Variants in TBC1D22A observed in about 807,000 individuals in gnomAD.
TBC1D22A encodes the protein TBC1 domain family member 22A, also known as putative GTPase activator.
A neutral mutation model predicts 60.2 loss-of-function variants in TBC1D22A; 38 were observed. The ratio of observed to expected loss-of-function variants is 0.63; its 90% CI spans 0.49 to 0.83. TBC1D22A has a LOEUF of 0.83. Ranked by LOEUF, TBC1D22A falls within the 40% of genes least tolerant of loss-of-function variation. The pLI, the probability that TBC1D22A is intolerant of heterozygous loss-of-function variation, is 0.00. For missense variants in TBC1D22A, 628 were observed against 701.0 expected, an observed-to-expected ratio of 0.90 and a Z score of 1.18; for synonymous variants, 302 against 281.7, an observed-to-expected ratio of 1.07 and a Z score of -0.72.
At chr22:46,837,389 A>G (rs2086570275) in intron 4 of TBC1D22A, among the ~76,000 whole-genome samples, 1 of 152,206 alleles carries the variant, frequency 6.6e-6, no homozygotes, top group Admixed American at 6.5e-5. Flanking sequence ...AATATGGACC[A>G]AATGGACCTA....
intron 7 of TBC1D22A, 82 bp downstream of exon 7, chr22:46,894,928 G>A (rs754244793): frequency 1.6e-4 from 240 of 1,506,352 alleles, no homozygotes; most frequent in Non-Finnish European, 2.1e-4. Context: ...GGGCGCAGCC[G>A]GAGGTGCTTC....
intron 10 of TBC1D22A, among the ~76,000 whole-genome samples, chr22:47,019,184 G>A (rs940440263): frequency 2.0e-5 from 3 of 152,220 alleles, no homozygotes; most frequent in East Asian, 3.9e-4. Flanking sequence ...CTCCCAGTGC[G>A]CTGGGTGGAG....
chr22:47,149,230 C>T (rs913376707), intron 12 of TBC1D22A, among the ~76,000 whole-genome samples: 1 of 152,180 alleles, frequency 6.6e-6, no homozygotes, highest in Non-Finnish European at 1.5e-5. Flanking sequence ...GGGGGACAGG[C>T]TCTGCTGGCC....
chr22:46,919,409 G>C (rs1477284879), intron 8 of TBC1D22A, among the ~76,000 whole-genome samples: 1 of 152,188 alleles, frequency 6.6e-6, no homozygotes, highest in Admixed American at 6.5e-5. Flanking sequence ...TCATCTGTTG[G>C]TGAACATTTG....
intron 8 of TBC1D22A, among the ~76,000 whole-genome samples, chr22:46,941,892 ATATG>A (rs1797701472): frequency 6.9e-6 from 1 of 145,556 alleles, no homozygotes; most frequent in African/African-American, 2.5e-5. Context: ...TGTATAGAAT[ATATG>A]TATATAGAAT....
intron 6 of TBC1D22A, among the ~76,000 whole-genome samples, chr22:46,893,441 G>A (rs558267547): frequency 6.6e-6 from 1 of 152,324 alleles, no homozygotes; most frequent in South Asian, 2.1e-4. Context: ...CAATGGGGAT[G>A]ATGGCAGGGG....
At chr22:47,076,431 C>T (rs1302728913) in intron 11 of TBC1D22A, among the ~76,000 whole-genome samples, 1 of 139,494 alleles carries the variant, frequency 7.2e-6, no homozygotes, top group African/African-American at 2.6e-5. Flanking sequence ...ATATGTTTTC[C>T]CATGGTGCAT....
At chr22:47,145,044 C>T (rs535186663) in intron 12 of TBC1D22A, among the ~76,000 whole-genome samples, 57 of 152,352 alleles carry the variant, frequency 3.7e-4, no homozygotes, top group African/African-American at 1.3e-3. Context: ...AATAAGCGCG[C>T]ACCACGTGCC....
At chr22:46,979,514 A>T (rs2074430754) in intron 9 of TBC1D22A, among the ~76,000 whole-genome samples, 1 of 152,176 alleles carries the variant, frequency 6.6e-6, no homozygotes, top group South Asian at 2.1e-4. Context: ...CTCCTTGACG[A>T]CGCTTCTGTT....
intron 10 of TBC1D22A, among the ~76,000 whole-genome samples, chr22:47,003,744 T>TAC (rs371399551): frequency 0.051 from 3,836 of 75,212 alleles, 255 homozygotes; most frequent in African/African-American, 0.16. Flanking sequence ...CACATGCCTG[T>TAC]ACACACACAC....
intron 4 of TBC1D22A, among the ~76,000 whole-genome samples, chr22:46,800,778 C>G (rs566623349): frequency 6.6e-6 from 1 of 152,158 alleles, no homozygotes; most frequent in South Asian, 2.1e-4. Context: ...TTTATCTTCT[C>G]ACTTGATTTT....
intron 8 of TBC1D22A, among the ~76,000 whole-genome samples, chr22:46,935,625 C>A (rs1032573844): frequency 6.6e-6 from 1 of 152,236 alleles, no homozygotes; most frequent in South Asian, 2.1e-4. Context: ...AGGAGTCTTG[C>A]AGCGGTCACT....
At chr22:46,869,328 C>T (rs1181306660) in intron 4 of TBC1D22A, among the ~76,000 whole-genome samples, 2 of 152,244 alleles carry the variant, frequency 1.3e-5, no homozygotes, top group African/African-American at 4.8e-5. Flanking sequence ...TCCTTTCTCC[C>T]ATAGTCCTGG....
chr22:46,974,291 G>C lies in TBC1D22A; in HGVS notation c.1017G>C (p.Glu339Asp). The change falls in exon 9 of 13, where the codon GAG (glutamate) becomes GAC (aspartate). Residue 339 changes from glutamate (E) to aspartate (D), a missense_variant and splice_region_variant. By Grantham distance (45) the Glu-to-Asp change is conservative (BLOSUM62 2). Transcript: ENST00000337137. ...FFVVFICEYI[E>D]AEEVDTVDVS... Reference sequence around the variant, plus strand: ...TTTTGCATGCTCGGCGCCGCCCAGAGGCAGAGGAGGTGGACACGGTGGACG... The same window carrying C: ...TTTTGCATGCTCGGCGCCGCCCAGACGCAGAGGAGGTGGACACGGTGGACG... 6.3e-7 allele frequency: 1 copy of C among 1,592,638 alleles called. No homozygotes were observed. The highest frequency in any genetic ancestry group is 8.5e-7 in the Non-Finnish European group (1 of 1,169,830).
chr22:47,145,459 G>A (rs747376119), intron 12 of TBC1D22A, among the ~76,000 whole-genome samples: 1 of 152,194 alleles, frequency 6.6e-6, no homozygotes, highest in Non-Finnish European at 1.5e-5. Context: ...GTGACAACCA[G>A]AAATGCCCCA....
intron 10 of TBC1D22A, among the ~76,000 whole-genome samples, chr22:47,026,262 C>T (rs1209445680): frequency 6.6e-6 from 1 of 152,160 alleles, no homozygotes; most frequent in Non-Finnish European, 1.5e-5. Context: ...TGTTTAAACC[C>T]ATAGCTGACA....
At chr22:46,915,386 C>A (rs2070285442) in intron 8 of TBC1D22A, 1 of 456,490 alleles carries the variant, frequency 2.2e-6, no homozygotes, top group African/African-American at 2.0e-5. Flanking sequence ...ATTGACTGTT[C>A]CTTCAGAGAA....
chr22:46,945,762 G>C (rs770267359), intron 8 of TBC1D22A, among the ~76,000 whole-genome samples: 1 of 152,140 alleles, frequency 6.6e-6, no homozygotes, highest in East Asian at 1.9e-4. Flanking sequence ...TACCTGCCTC[G>C]TGCCTTCCTT....
At chr22:46,957,580 A>G (rs941248576) in intron 8 of TBC1D22A, among the ~76,000 whole-genome samples, 1 of 152,218 alleles carries the variant, frequency 6.6e-6, no homozygotes, top group Non-Finnish European at 1.5e-5. Context: ...GGGGATTACA[A>G]TTGGAGATGA....
Sources: allele counts gnomAD v4.1 joint callset (sites outside exome capture counted in the v4.1 genomes callset), GRCh38; gene constraint gnomAD v4.1.1; transcripts MANE v1.5; gene names NCBI Gene and HGNC (gene_info 2026-07-23, HGNC 2026-07-21).